Variants in CAMK1D observed in about 807,000 individuals in gnomAD.
CAMK1D encodes calcium/calmodulin dependent protein kinase ID.
In CAMK1D, 9 loss-of-function variants were observed where a neutral mutation model predicts 47.7. That is an observed-to-expected ratio of 0.19 (90% CI 0.11 to 0.33). The LOEUF is 0.33. CAMK1D is among the 10% of genes least tolerant of loss of function. The pLI is 1.00. For synonymous variants in CAMK1D, 184 were observed against 184.9 expected (o/e 0.99, Z 0.04); for missense variants, 291 against 488.7 (o/e 0.60, Z 3.81).
chr10:12,639,941 C>T (rs982210681), intron 2 of CAMK1D, among the ~76,000 whole-genome samples: 4 of 152,154 alleles, frequency 2.6e-5, no homozygotes, highest in African/African-American at 9.7e-5. Context: ...ACTCTTGTAG[C>T]TCTGCTCGCA....
intron 2 of CAMK1D, among the ~76,000 whole-genome samples, chr10:12,621,292 T>A (rs575520439): frequency 6.6e-6 from 1 of 152,348 alleles, no homozygotes; most frequent in South Asian, 2.1e-4. Flanking sequence ...CATTTTAGAA[T>A]AATCTCACTC....
intron 1 of CAMK1D, among the ~76,000 whole-genome samples, chr10:12,483,086 C>T (rs1834112334): frequency 6.6e-6 from 1 of 152,234 alleles, no homozygotes; most frequent in Non-Finnish European, 1.5e-5. Context: ...CCAGCTTCCT[C>T]CCTGCCCTGC....
chr10:12,639,497 CA>C (rs1432636812), intron 2 of CAMK1D, among the ~76,000 whole-genome samples: 1 of 152,108 alleles, frequency 6.6e-6, no homozygotes, highest in East Asian at 1.9e-4. Context: ...AACAAGCAAA[CA>C]AACAAACCTA....
At chr10:12,749,306 C>T (rs1357004656) in intron 3 of CAMK1D, among the ~76,000 whole-genome samples, 1 of 151,800 alleles carries the variant, frequency 6.6e-6, no homozygotes, top group Non-Finnish European at 1.5e-5. Flanking sequence ...CTAGTGCATA[C>T]TATTAATACC....
chr10:12,585,391 A>G (rs975497455), intron 2 of CAMK1D, among the ~76,000 whole-genome samples: 13 of 152,176 alleles, frequency 8.5e-5, no homozygotes, highest in Admixed American at 7.2e-4. Flanking sequence ...CTGACCCTGT[A>G]GTTGTTTCTC....
At chr10:12,497,839 C>A (rs1834587981) in intron 1 of CAMK1D, among the ~76,000 whole-genome samples, 1 of 152,182 alleles carries the variant, frequency 6.6e-6, no homozygotes, top group East Asian at 1.9e-4. Context: ...TGTATTAGTT[C>A]ATTTTCATAC....
intron 5 of CAMK1D, among the ~76,000 whole-genome samples, chr10:12,774,810 C>T (rs112638510): frequency 5.6e-4 from 85 of 152,356 alleles, no homozygotes; most frequent in Non-Finnish European, 1.1e-3. Flanking sequence ...TTAGGTTGCG[C>T]GCTCCTTTTG....
intron 3 of CAMK1D, among the ~76,000 whole-genome samples, chr10:12,672,207 G>A (rs1207802007): frequency 6.6e-6 from 1 of 151,940 alleles, no homozygotes; most frequent in Non-Finnish European, 1.5e-5. Context: ...GAGCCACCTC[G>A]CCGGGCCACT....
chr10:12,766,156 G>A (rs2130920299), intron 4 of CAMK1D, among the ~76,000 whole-genome samples: 1 of 151,696 alleles, frequency 6.6e-6, no homozygotes, highest in Non-Finnish European at 1.5e-5. Context: ...GTAGAGACAG[G>A]GTTTCTCCAT....
intron 1 of CAMK1D, among the ~76,000 whole-genome samples, chr10:12,450,638 T>C (rs1833056468): frequency 6.6e-6 from 1 of 152,204 alleles, no homozygotes; most frequent in Admixed American, 6.5e-5. Flanking sequence ...AGAAGGAGGC[T>C]GTGTCCTGGT....
rs976425715 is a variant in CAMK1D at position 12,831,352 on chromosome 10, C to T, written c.*2465C>T. On this transcript the variant is annotated 3_prime_UTR_variant, in exon 11 of 11. Coordinates refer to ENST00000619168, the MANE Select transcript of CAMK1D (RefSeq NM_153498.4). ...TGACAAAGTAATAGAAGGCTGCAAG[C>T]GCTGAAAATGCACCCGAATCTGGTA... 3 of 152,132 alleles carry T rather than the reference C, an allele frequency of 2.0e-5. No individual in the cohort carries two copies. The highest frequency in any genetic ancestry group is 4.8e-5 in the African/African-American group (2 of 41,400). The allele number at this position is 152,132 out of a possible 1,614,324, so 9.4% of individuals were successfully genotyped here. A position where few individuals can be genotyped will look rare whatever the true frequency, so the allele number is the denominator to read the frequency against.
intron 1 of CAMK1D, among the ~76,000 whole-genome samples, chr10:12,393,827 G>A (rs1467580425): frequency 6.6e-6 from 1 of 152,208 alleles, no homozygotes; most frequent in Non-Finnish European, 1.5e-5. Flanking sequence ...AAGGGCGGGA[G>A]GTGAAGGAAA....
At chr10:12,537,884 A>AT (rs1223134375) in intron 1 of CAMK1D, among the ~76,000 whole-genome samples, 1 of 152,074 alleles carries the variant, frequency 6.6e-6, no homozygotes, top group Non-Finnish European at 1.5e-5. Context: ...TTTTCATTGT[A>AT]TTTTTTTAAT....
At chr10:12,648,830 G>A (rs1839881615) in intron 2 of CAMK1D, among the ~76,000 whole-genome samples, 1 of 152,068 alleles carries the variant, frequency 6.6e-6, no homozygotes, top group South Asian at 2.1e-4. Context: ...GAAATCAGGG[G>A]CTAGTGTTCA....
intron 2 of CAMK1D, among the ~76,000 whole-genome samples, chr10:12,579,129 G>A (rs749489653): frequency 6.6e-6 from 1 of 152,080 alleles, no homozygotes; most frequent in African/African-American, 2.4e-5. Flanking sequence ...GTGGGAGCGC[G>A]AGGAGTCCTC....
intron 3 of CAMK1D, among the ~76,000 whole-genome samples, chr10:12,692,646 A>G (rs1182709252): frequency 6.6e-6 from 1 of 152,260 alleles, no homozygotes; most frequent in Non-Finnish European, 1.5e-5. Flanking sequence ...ATTTAAAAAT[A>G]AAGGGAAACA....
chr10:12,570,113 T>C (rs1374569637), intron 2 of CAMK1D, among the ~76,000 whole-genome samples: 17 of 151,910 alleles, frequency 1.1e-4, no homozygotes, highest in Admixed American at 1.1e-3. Flanking sequence ...GGCAGGAGAA[T>C]TGCTTGAACC....
At chr10:12,467,288 G>A (rs1833620676) in intron 1 of CAMK1D, among the ~76,000 whole-genome samples, 1 of 152,118 alleles carries the variant, frequency 6.6e-6, no homozygotes, top group South Asian at 2.1e-4. Flanking sequence ...GATTAGCTGG[G>A]ATTACAGGTA....
At chr10:12,502,040 C>T (rs908824711) in intron 1 of CAMK1D, among the ~76,000 whole-genome samples, 3 of 146,670 alleles carry the variant, frequency 2.0e-5, no homozygotes, top group African/African-American at 7.4e-5. Context: ...GGAGGGCAGG[C>T]AGCCACCAGG....
Sources: allele counts gnomAD v4.1 joint callset (sites outside exome capture counted in the v4.1 genomes callset), GRCh38; gene constraint gnomAD v4.1.1; transcripts MANE v1.5; gene names NCBI Gene and HGNC (gene_info 2026-07-23, HGNC 2026-07-21).